ZNF148: variants seen among roughly 807,000 people sequenced by gnomAD.
ZNF148 encodes the protein zinc finger protein 148.
A neutral mutation model predicts 67.7 loss-of-function variants in ZNF148; 7 were observed. The ratio of observed to expected loss-of-function variants is 0.10; its 90% CI spans 0.06 to 0.19. The LOEUF (loss-of-function observed/expected upper bound fraction) is 0.19. Ranked by LOEUF, ZNF148 falls within the 10% of genes least tolerant of loss-of-function variation. The pLI is 1.00. For synonymous variants in ZNF148, 333 were observed against 330.7 expected (o/e 1.01, Z -0.08); for missense variants, 583 against 947.1 (o/e 0.62, Z 5.05).
chr3:125,251,192 C>G (rs1358038747), intron 7 of ZNF148, among the ~76,000 whole-genome samples: 2 of 152,136 alleles, frequency 1.3e-5, no homozygotes, highest in Non-Finnish European at 2.9e-5. Context: ...TGAGCACTTC[C>G]TAAGTGCCTC....
chr3:125,302,514 CTA>C (rs1939649402), intron 4 of ZNF148, among the ~76,000 whole-genome samples: 1 of 152,180 alleles, frequency 6.6e-6, no homozygotes, highest in Non-Finnish European at 1.5e-5. Context: ...CTCTTATGTT[CTA>C]CTATAAACCA....
intron 4 of ZNF148, among the ~76,000 whole-genome samples, chr3:125,304,324 C>G (rs1172694474): frequency 1.3e-5 from 2 of 152,084 alleles, no homozygotes; most frequent in Non-Finnish European, 2.9e-5. Context: ...CAGCCTGGAC[C>G]ACCATGTCAA....
chr3:125,235,885 G>A (rs1161215452), intron 7 of ZNF148, among the ~76,000 whole-genome samples: 2 of 145,190 alleles, frequency 1.4e-5, no homozygotes, highest in African/African-American at 2.6e-5. Context: ...TCACTCATAG[G>A]TGGGAATTGA....
At chr3:125,279,303 A>G in intron 5 of ZNF148, 56 bp from the exon 6 acceptor site, 1 of 1,366,548 alleles carries the variant, frequency 7.3e-7, no homozygotes. Flanking sequence ...AAATGTAATT[A>G]AATAGTAATT....
At chr3:125,310,867 G>T (rs896928219) in intron 4 of ZNF148, 3 of 206,836 alleles carry the variant, frequency 1.5e-5, no homozygotes, top group East Asian at 1.1e-4. Flanking sequence ...TCCTCTGCTC[G>T]CATTTTCACT....
intron 4 of ZNF148, among the ~76,000 whole-genome samples, chr3:125,301,976 A>T (rs1579746306): frequency 6.6e-6 from 1 of 152,230 alleles, no homozygotes; most frequent in East Asian, 1.9e-4. Flanking sequence ...AGGCAGGGAG[A>T]AATGCTTGAA....
At chr3:125,328,563 CATAA>C (rs934347877) in intron 2 of ZNF148, among the ~76,000 whole-genome samples, 2 of 151,048 alleles carry the variant, frequency 1.3e-5, no homozygotes, top group African/African-American at 4.9e-5. Flanking sequence ...TGTATGTTAC[CATAA>C]ATATACACTA....
intron 2 of ZNF148, among the ~76,000 whole-genome samples, chr3:125,323,893 A>T (rs7647459): frequency 0.77 from 116,379 of 151,024 alleles, 45,378 homozygotes; most frequent in African/African-American, 0.85. Flanking sequence ...CAGGAGGCAG[A>T]GCTTGCAGTG....
chr3:125,354,303 T>C (rs969257694), intron 1 of ZNF148, among the ~76,000 whole-genome samples: 3 of 152,168 alleles, frequency 2.0e-5, no homozygotes, highest in African/African-American at 7.2e-5. Context: ...ATTCAGAGCC[T>C]GGAAAACTCA....
chr3:125,293,255 T>TA (rs2107634822), intron 4 of ZNF148, among the ~76,000 whole-genome samples: 2 of 152,240 alleles, frequency 1.3e-5, no homozygotes, highest in South Asian at 4.1e-4. Context: ...ATCTTAACTA[T>TA]ACAATCCCTT....
chr3:125,306,477 A>G (rs752725573), intron 4 of ZNF148, among the ~76,000 whole-genome samples: 19 of 152,178 alleles, frequency 1.2e-4, no homozygotes, highest in Non-Finnish European at 2.5e-4. Context: ...TAAAACAACA[A>G]AAGAAAATAT....
At chr3:125,246,966 G>A (rs1936627520) in intron 7 of ZNF148, among the ~76,000 whole-genome samples, 1 of 152,108 alleles carries the variant, frequency 6.6e-6, no homozygotes, top group African/African-American at 2.4e-5. Flanking sequence ...ATACTATGCA[G>A]GAAATTACAT....
chr3:125,365,211 T>C (rs1001886791), intron 1 of ZNF148, among the ~76,000 whole-genome samples: 1 of 152,098 alleles, frequency 6.6e-6, no homozygotes, highest in African/African-American at 2.4e-5. Context: ...ATGGTAAATA[T>C]AAAAATATAC....
intron 3 of ZNF148, among the ~76,000 whole-genome samples, chr3:125,321,543 TATC>T (rs2107690082): frequency 6.6e-6 from 1 of 152,282 alleles, no homozygotes; most frequent in South Asian, 2.1e-4. Context: ...TCCAAATACT[TATC>T]ATCTGTTTTG....
intron 4 of ZNF148, 44 bp from the exon 5 acceptor site, chr3:125,288,272 T>A: frequency 6.4e-7 from 1 of 1,561,294 alleles, no homozygotes; most frequent in Non-Finnish European, 8.6e-7. Context: ...AAATAAAAAG[T>A]TCATTGTGAC....
intron 7 of ZNF148, among the ~76,000 whole-genome samples, chr3:125,271,085 T>A (rs147136635): frequency 8.5e-5 from 13 of 152,336 alleles, no homozygotes; most frequent in African/African-American, 2.9e-4. Flanking sequence ...TTAGTTATAA[T>A]TAACAGTAAC....
Position 125,321,535 on chromosome 3 carries a change from C to T in ZNF148, c.-17+1774G>A, listed in dbSNP as rs1241604852. Among the ~76,000 whole-genome samples, 3 of 152,084 alleles carry T rather than the reference C, an allele frequency of 2.0e-5. No homozygotes were observed. In the East Asian group the frequency reaches 5.8e-4, roughly 29 times the overall value. Reference sequence around the variant, plus strand: ...CAGAATCTAGGCATATTCTGCATTCCAAATACTTATCATCTGTTTTGTAAA... The same window carrying T: ...CAGAATCTAGGCATATTCTGCATTCTAAATACTTATCATCTGTTTTGTAAA... On this transcript the variant is annotated intron_variant, in intron 3 of 8. Coordinates refer to ENST00000360647, the MANE Select transcript of ZNF148 (RefSeq NM_021964.3).
intron 1 of ZNF148, among the ~76,000 whole-genome samples, chr3:125,369,384 CAAAA>C (rs759752715): frequency 2.1e-5 from 1 of 47,516 alleles, no homozygotes. Flanking sequence ...ACTGCAACCT[CAAAA>C]AAAAAAAAAA....
At chr3:125,237,835 C>T (rs1248352436) in intron 7 of ZNF148, among the ~76,000 whole-genome samples, 1 of 152,110 alleles carries the variant, frequency 6.6e-6, no homozygotes, top group Non-Finnish European at 1.5e-5. Context: ...CCAAAACTAT[C>T]TTGAAAAAGA....
Sources: allele counts gnomAD v4.1 joint callset (sites outside exome capture counted in the v4.1 genomes callset), GRCh38; gene constraint gnomAD v4.1.1; transcripts MANE v1.5; gene names NCBI Gene and HGNC (gene_info 2026-07-23, HGNC 2026-07-21).